The following GSN variants were observed in gnomAD, a reference collection of about 807,000 sequenced individuals.
The protein encoded by GSN is gelsolin.
Under a neutral mutation model 85.7 loss-of-function variants are expected in GSN, and 56 were observed. The ratio of observed to expected loss-of-function variants is 0.65; its 90% CI spans 0.53 to 0.82. The LOEUF (loss-of-function observed/expected upper bound fraction) is 0.82. Among genes scored for constraint, GSN ranks in the 40% least tolerant of loss-of-function variants. GSN has a pLI of 0.00. For synonymous variants in GSN, 373 were observed against 399.1 expected (o/e 0.93, Z 0.78); for missense variants, 857 against 979.8 (o/e 0.87, Z 1.67).
rs772654323 is a variant in GSN at position 121,312,353 on chromosome 9, G to A, written c.528G>A (p.Trp176Ter). ...ILDLGNNIHQ[W>*]CGSNSNRYER... ...CTGTCTTCCAGAACATCCACCAGTGGTGTGGTTCCAACAGCAATCGGTATG... is the reference window on the plus strand; with the variant it reads ...CTGTCTTCCAGAACATCCACCAGTGATGTGGTTCCAACAGCAATCGGTATG... The change falls in exon 6 of 18, where the codon TGG becomes TGA. Residue 176 changes from tryptophan to a stop codon, truncating the protein, a stop_gained. Coordinates refer to ENST00000432226, the MANE Select transcript of GSN (RefSeq NM_198252.3). LOFTEE classifies it high-confidence loss of function. 5 of 1,614,134 alleles carry A rather than the reference G, an allele frequency of 3.1e-6. No individual in the cohort carries two copies. Among genetic ancestry groups the A allele is most frequent in the Non-Finnish European group, 4.2e-6 (5 of 1,180,008 alleles).
At chr9:121,239,305 G>T in intron 5 of GSN, 1 of 394,654 alleles carries the variant, frequency 2.5e-6, no homozygotes, top group South Asian at 2.2e-5. Context: ...GGTTAGAACC[G>T]GGTGAGGGAT....
At chr9:121,214,253 C>T (rs1276347347) in intron 4 of GSN, among the ~76,000 whole-genome samples, 1 of 151,304 alleles carries the variant, frequency 6.6e-6, no homozygotes, top group East Asian at 1.9e-4. Context: ...CCTTCTCTCT[C>T]TTTCCTTCTT....
At position 121,318,476 on chromosome 9, in the gene GSN, C is replaced by T; in HGVS notation, c.957C>T (p.Asp319=). ...CCTCTGACTTCATCACCAAGATGGA[C>T]TACCCCAAGCAGACTCAGGTGAGTC... The part of the protein sequence containing the change: ...KTASDFITKM[D]YPKQTQVSVL... The change falls in exon 9 of 18, where the codon GAC becomes GAT. Residue 319 remains aspartate (D), a synonymous_variant. Coordinates refer to ENST00000432226, the MANE Select transcript of GSN (RefSeq NM_198252.3). This position sits in a 1 kb window ranked among gnomAD's most constrained non-coding sequence, Gnocchi z 4.3. 6.2e-7 allele frequency: 1 copy of T among 1,613,580 alleles called. No individual in the cohort carries two copies. Among genetic ancestry groups the T allele is most frequent in the Non-Finnish European group, 8.5e-7 (1 of 1,179,476 alleles).
chr9:121,219,464 G>A (rs1369749348), intron 4 of GSN, among the ~76,000 whole-genome samples: 1 of 152,072 alleles, frequency 6.6e-6, no homozygotes, highest in African/African-American at 2.4e-5. Context: ...CGTTGACACA[G>A]GAGAACAGCA....
chr9:121,323,313 A>C (rs1481923593), intron 11 of GSN, among the ~76,000 whole-genome samples: 2 of 151,420 alleles, frequency 1.3e-5, no homozygotes, highest in Non-Finnish European at 2.9e-5. Flanking sequence ...GAACATTGAC[A>C]CAATACTACT....
intron 1 of GSN, among the ~76,000 whole-genome samples, chr9:121,270,083 CA>C (rs906444006): frequency 1.1e-4 from 16 of 152,130 alleles, no homozygotes; most frequent in African/African-American, 3.9e-4. Flanking sequence ...AATGAATAAT[CA>C]TTTACCAGGA....
Position 121,286,020 on chromosome 9 carries a change from G to A in GSN, c.-10+4458G>A, listed in dbSNP as rs12683459. 0.19 allele frequency: 198,245 copies of A among 1,054,198 alleles called. 20,305 individuals carry two copies. The highest frequency in any genetic ancestry group is 0.32 in the African/African-American group (20,604 of 63,854). 65.3% of individuals were successfully genotyped at this position (1,054,198 alleles called of 1,614,324 possible). A position where few individuals can be genotyped will look rare whatever the true frequency, so the allele number is the denominator to read the frequency against. On this transcript the variant is annotated intron_variant, in intron 2 of 17. Transcript: ENST00000432226. ...ACCATTTCCGGAACTGTGTGTGCCT[G>A]TGATGCCTGCGGAGTTGGCTTGGCA...
At chr9:121,330,797 A>G (rs1157862697) in intron 16 of GSN, among the ~76,000 whole-genome samples, 1 of 152,134 alleles carries the variant, frequency 6.6e-6, no homozygotes, top group African/African-American at 2.4e-5. Flanking sequence ...ACAAAGATGC[A>G]CACAGACCGG....
intron 4 of GSN, among the ~76,000 whole-genome samples, chr9:121,223,656 ATAT>A (rs565833007): frequency 7.9e-5 from 12 of 151,576 alleles, no homozygotes; most frequent in African/African-American, 2.2e-4. Context: ...CTTTATAAGT[ATAT>A]TATTATTATT....
At position 121,232,416 on chromosome 9, in the gene GSN, G is replaced by A. The variant is rs372476195; in HGVS notation, c.-389+1113G>A. ...CTGATTTATCTGGTGGGGCTGGTTA[G>A]TCAGTTATCCCTTTTTCACAGCCTC... is the stretch of plus-strand genomic sequence containing the variant. On this transcript the variant is annotated intron_variant, in intron 5 of 24. Coordinates refer to the GSN transcript ENST00000373823. Among the ~76,000 whole-genome samples, 3 of 152,348 alleles carry A rather than the reference G, an allele frequency of 2.0e-5. No homozygotes were observed. In the South Asian group the frequency reaches 6.2e-4, roughly 32 times the overall value.
intron 4 of GSN, among the ~76,000 whole-genome samples, chr9:121,306,558 C>G (rs1203981880): frequency 6.6e-6 from 1 of 151,942 alleles, no homozygotes; most frequent in Non-Finnish European, 1.5e-5. Context: ...GGTAGACAGA[C>G]ACATATATAT....
intron 4 of GSN, among the ~76,000 whole-genome samples, chr9:121,212,059 C>T (rs2053978255): frequency 6.6e-6 from 1 of 152,086 alleles, no homozygotes; most frequent in African/African-American, 2.4e-5. Context: ...CCACTGAAGC[C>T]CTTCAGTGAC....
At chr9:121,213,963 GCA>G (rs1210745682) in intron 4 of GSN, among the ~76,000 whole-genome samples, 1 of 152,188 alleles carries the variant, frequency 6.6e-6, no homozygotes, top group East Asian at 1.9e-4. Context: ...CCAGACAAAA[GCA>G]CAGACTGCTG....
upstream of GSN, chr9:121,265,797 A>T (rs2055184632): frequency 6.6e-6 from 1 of 152,200 alleles, no homozygotes; most frequent in Non-Finnish European, 1.5e-5. Flanking sequence ...CCTAGATCCA[A>T]TGGGGGGAGA....
intron 2 of GSN, among the ~76,000 whole-genome samples, chr9:121,296,753 T>C (rs1356212303): frequency 6.6e-6 from 1 of 152,062 alleles, no homozygotes; most frequent in African/African-American, 2.4e-5. Flanking sequence ...GGAAGCAGAG[T>C]AAGACAATGT....
intron 4 of GSN, among the ~76,000 whole-genome samples, chr9:121,307,939 G>A (rs1353074723): frequency 7.2e-5 from 11 of 152,208 alleles, no homozygotes; most frequent in South Asian, 2.1e-4. Flanking sequence ...CAGGCCTCAC[G>A]GCCATCCAGC....
intron 7 of GSN, 38 bp downstream of exon 7, chr9:121,314,061 C>T (rs1046508674): frequency 2.0e-6 from 3 of 1,488,482 alleles, no homozygotes; most frequent in Non-Finnish European, 2.8e-6. Context: ...GGCATGGGGT[C>T]AGGACAGGGA....
At chr9:121,330,763 A>T (rs1319033561) in intron 16 of GSN, among the ~76,000 whole-genome samples, 3 of 152,212 alleles carry the variant, frequency 2.0e-5, no homozygotes, top group Non-Finnish European at 4.4e-5. Flanking sequence ...AGTTATTTTT[A>T]TTCCAAGCCT....
Position 121,254,291 on chromosome 9 carries a change from C to T in GSN, c.-341+5968C>T, listed in dbSNP as rs1043002120. Among the ~76,000 whole-genome samples, 15 of 152,248 alleles carry T rather than the reference C, an allele frequency of 9.9e-5. 1 individual carries two copies. The highest frequency in any genetic ancestry group is 3.4e-4 in the African/African-American group (14 of 41,472). On this transcript the variant is annotated intron_variant, in intron 6 of 24. Transcript: ENST00000373823. ...CAGTTTTAGCCTCCACAGCCTGCTA[C>T]ATGCGTAATAGCAAGACTTGGCTTC...
Sources: gnomAD v4.1 joint callset for allele counts (sites outside exome capture counted in the v4.1 genomes callset) on GRCh38, gnomAD v4.1.1 for gene constraint, Gnocchi (gnomAD v3.1) non-coding constraint, MANE v1.5 for transcripts, NCBI Gene and HGNC (gene_info 2026-07-23, HGNC 2026-07-21) for gene names.